The following ARHGAP15 variants were observed in gnomAD, a reference collection of about 807,000 sequenced individuals.
ARHGAP15 encodes Rho GTPase activating protein 15.
A neutral mutation model predicts 63.7 loss-of-function variants in ARHGAP15; 51 were observed. The ratio of observed to expected loss-of-function variants is 0.80; its 90% CI spans 0.64 to 1.01. ARHGAP15 has a LOEUF of 1.01. Among genes scored for constraint, ARHGAP15 ranks in the 50% least tolerant of loss-of-function variants. The pLI is 0.00. For synonymous variants in ARHGAP15, 191 were observed against 193.8 expected (o/e 0.99, Z 0.12); for missense variants, 560 against 564.6 (o/e 0.99, Z 0.08).
chr2:143,575,705 G>T (rs1696654200), intron 11 of ARHGAP15, among the ~76,000 whole-genome samples: 1 of 152,140 alleles, frequency 6.6e-6, no homozygotes, highest in East Asian at 1.9e-4. Flanking sequence ...ATTTGGGAAA[G>T]AATAGGAAAT....
intron 12 of ARHGAP15, among the ~76,000 whole-genome samples, chr2:143,686,383 CAAAAAAAAAAAAAAAAAAAA>C (rs35554349): frequency 3.8e-4 from 21 of 55,080 alleles, no homozygotes; most frequent in Middle Eastern, 0.019. Flanking sequence ...GACTCTGTCT[CAAAAAAAAAAAAAAAAAAAA>C]AAAAAAAAAA....
At chr2:143,644,857 C>T (rs1276127887) in intron 12 of ARHGAP15, among the ~76,000 whole-genome samples, 1 of 152,038 alleles carries the variant, frequency 6.6e-6, no homozygotes, top group Admixed American at 6.6e-5. Flanking sequence ...AAATTATATT[C>T]ACTTTATAGC....
chr2:143,713,217 T>C lies in ARHGAP15; in HGVS notation c.1244+9693T>C, dbSNP rs538208784. ...CTGAGGTGGAGAGACCTCAGAATCA[T>C]GGCGGGAGGCAAAAGACACTTCTTA... On this transcript the variant is annotated intron_variant, in intron 13 of 13. Transcript: ENST00000295095. 1.1e-3 allele frequency among the ~76,000 whole-genome samples: 163 copies of C among 152,240 alleles called. 1 individual carries two copies. Among genetic ancestry groups the C allele is most frequent in the African/African-American group, 3.9e-3 (161 of 41,544 alleles).
chr2:143,743,362 A>G (rs927213094), intron 13 of ARHGAP15, among the ~76,000 whole-genome samples: 6 of 152,188 alleles, frequency 3.9e-5, no homozygotes, highest in Admixed American at 1.3e-4. Flanking sequence ...CTTCCCAGAC[A>G]GTCATTAAGG....
At chr2:143,556,507 G>T (rs1044709982) in intron 11 of ARHGAP15, 22 bp downstream of exon 11, 2 of 1,589,494 alleles carry the variant, frequency 1.3e-6, no homozygotes, top group African/African-American at 2.7e-5. Context: ...CCACTTCAGA[G>T]ATTTTTTCAA....
chr2:143,375,907 G>A (rs1446250589), intron 6 of ARHGAP15, among the ~76,000 whole-genome samples: 1 of 152,206 alleles, frequency 6.6e-6, no homozygotes, highest in African/African-American at 2.4e-5. Context: ...GAGTGTTTAT[G>A]AGAAGCGCAA....
chr2:143,430,749 T>C (rs529241172), intron 6 of ARHGAP15, among the ~76,000 whole-genome samples: 2 of 151,952 alleles, frequency 1.3e-5, no homozygotes, highest in South Asian at 4.2e-4. Flanking sequence ...ATAAAAATTA[T>C]ATCATGAAGT....
chr2:143,300,315 G>A lies in ARHGAP15; in HGVS notation c.474+49715G>A, dbSNP rs143691430. On this transcript the variant is annotated intron_variant, in intron 6 of 13. Coordinates refer to ENST00000295095, the MANE Select transcript of ARHGAP15 (RefSeq NM_018460.4). ...GATCAGGTGTGGCCTTGGTGAGGAA[G>A]AATTAATTGCTAATACTATATATAA... Among the ~76,000 whole-genome samples the A allele has an allele frequency of 7.2e-4, 110 of 152,076 alleles. 1 individual carries two copies. The highest frequency in any genetic ancestry group is 2.6e-3 in the African/African-American group (109 of 41,524).
intron 11 of ARHGAP15, among the ~76,000 whole-genome samples, chr2:143,611,070 A>G (rs1391798362): frequency 2.6e-5 from 4 of 152,168 alleles, no homozygotes; most frequent in Admixed American, 6.6e-5. Flanking sequence ...CTCTAGAAAC[A>G]AGGCTGTATA....
intron 6 of ARHGAP15, among the ~76,000 whole-genome samples, chr2:143,372,498 AAAAG>A (rs1686606739): frequency 6.6e-6 from 1 of 152,154 alleles, no homozygotes; most frequent in Admixed American, 6.5e-5. Flanking sequence ...TTAAGATAGA[AAAAG>A]AAATAAGATA....
chr2:143,362,838 A>G (rs1361660961), intron 6 of ARHGAP15, among the ~76,000 whole-genome samples: 1 of 152,128 alleles, frequency 6.6e-6, no homozygotes, highest in East Asian at 1.9e-4. Context: ...AGCCACCTGA[A>G]CACATCTGCT....
At chr2:143,220,732 C>T (rs1004432507) in intron 4 of ARHGAP15, among the ~76,000 whole-genome samples, 1 of 152,096 alleles carries the variant, frequency 6.6e-6, no homozygotes, top group African/African-American at 2.4e-5. Context: ...ATATAACATA[C>T]TATAATTTAT....
intron 2 of ARHGAP15, among the ~76,000 whole-genome samples, chr2:143,180,011 G>C (rs1310343031): frequency 6.6e-6 from 1 of 152,156 alleles, no homozygotes; most frequent in Non-Finnish European, 1.5e-5. Context: ...CCTTGATGTT[G>C]ATGGCTGCTG....
intron 6 of ARHGAP15, among the ~76,000 whole-genome samples, chr2:143,287,874 C>T (rs1682189598): frequency 6.6e-6 from 1 of 152,120 alleles, no homozygotes; most frequent in African/African-American, 2.4e-5. Flanking sequence ...GAGGTGAATG[C>T]CCAGACATAT....
Position 143,309,617 on chromosome 2 carries a change from T to A in ARHGAP15, c.474+59017T>A, listed in dbSNP as rs116267318. Among the ~76,000 whole-genome samples, 581 of 152,170 alleles carry A rather than the reference T, an allele frequency of 3.8e-3. 4 individuals carry two copies. Among genetic ancestry groups the A allele is most frequent in the African/African-American group, 0.013 (532 of 41,552 alleles). On this transcript the variant is annotated intron_variant, in intron 6 of 13. Transcript: ENST00000295095. ...GTTAGTTGATACAAATACTTGATATTTATCAATTAGAAAAGGGGAGGTGGT... is the reference window on the plus strand; with the variant it reads ...GTTAGTTGATACAAATACTTGATATATATCAATTAGAAAAGGGGAGGTGGT...
At chr2:143,226,015 G>A (rs1235666530) in intron 4 of ARHGAP15, among the ~76,000 whole-genome samples, 5 of 152,322 alleles carry the variant, frequency 3.3e-5, no homozygotes, top group African/African-American at 1.2e-4. Flanking sequence ...AGAGAAGATA[G>A]ACAGTGTTTA....
At chr2:143,566,204 G>T (rs540357435) in intron 11 of ARHGAP15, among the ~76,000 whole-genome samples, 1 of 152,266 alleles carries the variant, frequency 6.6e-6, no homozygotes, top group African/African-American at 2.4e-5. Flanking sequence ...GAACCACACA[G>T]ATTCTATTAT....
intron 6 of ARHGAP15, among the ~76,000 whole-genome samples, chr2:143,326,896 G>A (rs1684276448): frequency 6.6e-6 from 1 of 152,128 alleles, no homozygotes; most frequent in South Asian, 2.1e-4. Flanking sequence ...TCAACATAGT[G>A]CTGGAAGTTC....
chr2:143,294,385 G>A (rs1373681621), intron 6 of ARHGAP15, among the ~76,000 whole-genome samples: 1 of 152,086 alleles, frequency 6.6e-6, no homozygotes, highest in Non-Finnish European at 1.5e-5. Context: ...ACTAGCTGCT[G>A]TAACAAAGCC....
Sources: gnomAD v4.1 joint callset for allele counts (sites outside exome capture counted in the v4.1 genomes callset) on GRCh38, gnomAD v4.1.1 for gene constraint, MANE v1.5 for transcripts, NCBI Gene and HGNC (gene_info 2026-07-23, HGNC 2026-07-21) for gene names.